The following PVT1 variants were observed in gnomAD, a reference collection of about 807,000 sequenced individuals.
The protein encoded by PVT1 is Pvt1 oncogene, also known as CXCR4/PVT1 fusion.
intron 2 of PVT1, among the ~76,000 whole-genome samples, chr8:127,811,429 A>T (rs1563611468): frequency 6.6e-6 from 1 of 152,082 alleles, no homozygotes; most frequent in East Asian, 1.9e-4. Context: ...CAGGCATTTC[A>T]TGTCTTTCCT....
intron 2 of PVT1, among the ~76,000 whole-genome samples, chr8:127,858,831 T>TTTTTTTTTTC (rs1815189917): frequency 6.9e-6 from 1 of 145,238 alleles, no homozygotes; most frequent in Non-Finnish European, 1.5e-5. Context: ...TTTTTTTTTT[T>TTTTTTTTTTC]TTGAGACAGG....
At chr8:127,974,451 C>T (rs888884049) in intron 3 of PVT1, among the ~76,000 whole-genome samples, 1 of 152,144 alleles carries the variant, frequency 6.6e-6, no homozygotes, top group Non-Finnish European at 1.5e-5. Context: ...GAGTCTCACT[C>T]TCACCCAGGC....
At chr8:127,902,278 T>C (rs1480146851) in intron 3 of PVT1, among the ~76,000 whole-genome samples, 1 of 152,202 alleles carries the variant, frequency 6.6e-6, no homozygotes, top group Non-Finnish European at 1.5e-5. Flanking sequence ...AATTGAATGA[T>C]ACCACTGAGC....
intron 4 of PVT1, among the ~76,000 whole-genome samples, chr8:128,035,889 A>C (rs917056659): frequency 6.6e-6 from 1 of 152,210 alleles, no homozygotes; most frequent in African/African-American, 2.4e-5. Context: ...TTTCCTTTGG[A>C]GCTCCAGAAG....
At chr8:128,075,450 T>TAA (rs368920788) in intron 5 of PVT1, among the ~76,000 whole-genome samples, 25 of 144,086 alleles carry the variant, frequency 1.7e-4, no homozygotes, top group Non-Finnish European at 3.4e-4. Flanking sequence ...CTCCTTTTTT[T>TAA]AAAAAAAAAT....
At chr8:127,850,500 A>G (rs1815096193) in intron 2 of PVT1, among the ~76,000 whole-genome samples, 1 of 150,318 alleles carries the variant, frequency 6.7e-6, no homozygotes, top group Admixed American at 6.6e-5. Flanking sequence ...TAGATTTCAT[A>G]CCACAGAGCA....
At chr8:127,998,809 C>G (rs1817138808) in intron 4 of PVT1, among the ~76,000 whole-genome samples, 1 of 119,608 alleles carries the variant, frequency 8.4e-6, no homozygotes, top group South Asian at 3.0e-4. Flanking sequence ...CCTTCCTCTT[C>G]TCCTCCTCCC....
At chr8:127,836,858 C>A (rs191970063) in intron 2 of PVT1, among the ~76,000 whole-genome samples, 1 of 152,218 alleles carries the variant, frequency 6.6e-6, no homozygotes, top group Admixed American at 6.5e-5. Flanking sequence ...TGCACTGCAC[C>A]GAGAGGGGCT....
At chr8:128,010,732 A>G (rs1308748327) in intron 4 of PVT1, 2 of 152,236 alleles carry the variant, frequency 1.3e-5, no homozygotes, top group Admixed American at 6.5e-5. Context: ...ATCATTGAGC[A>G]TCTACTCTGG....
intron 2 of PVT1, among the ~76,000 whole-genome samples, chr8:127,829,695 T>A (rs574993670): frequency 2.0e-5 from 3 of 152,334 alleles, no homozygotes; most frequent in Admixed American, 6.5e-5. Context: ...TAAAGTGAGA[T>A]CCACAATTTT....
chr8:128,062,117 C>A (rs1021291433), intron 4 of PVT1, among the ~76,000 whole-genome samples: 1 of 152,196 alleles, frequency 6.6e-6, no homozygotes, highest in Non-Finnish European at 1.5e-5. Flanking sequence ...GAAAAGGAGG[C>A]TATTTTTCAC....
At chr8:127,863,323 GC>G (rs1815250575) in intron 2 of PVT1, among the ~76,000 whole-genome samples, 1 of 152,046 alleles carries the variant, frequency 6.6e-6, no homozygotes, top group East Asian at 1.9e-4. Flanking sequence ...TGTTGGCCAG[GC>G]TGGTCTCGAA....
At chr8:127,870,803 A>G (rs903355148) in intron 2 of PVT1, among the ~76,000 whole-genome samples, 6 of 152,222 alleles carry the variant, frequency 3.9e-5, no homozygotes. Context: ...GGGTCAAGGC[A>G]ATGATTAAAT....
intron 3 of PVT1, among the ~76,000 whole-genome samples, chr8:127,926,188 T>C (rs1158219789): frequency 6.6e-6 from 1 of 152,104 alleles, no homozygotes; most frequent in Non-Finnish European, 1.5e-5. Flanking sequence ...CCAGCACCCA[T>C]TTGAGAGGCT....
chr8:127,852,294 C>T (rs766736516), intron 2 of PVT1: 2 of 152,374 alleles, frequency 1.3e-5, no homozygotes, highest in East Asian at 3.9e-4. Flanking sequence ...CCTGTGGGAG[C>T]CTGTTGGAGA....
At chr8:128,068,196 G>A (rs1563679575) in intron 4 of PVT1, among the ~76,000 whole-genome samples, 1 of 151,470 alleles carries the variant, frequency 6.6e-6, no homozygotes, top group Admixed American at 6.6e-5. Context: ...ATTTTCATTT[G>A]TTGTTCCTGT....
At chr8:128,000,498 C>T (rs1333415845) in intron 4 of PVT1, among the ~76,000 whole-genome samples, 2 of 152,180 alleles carry the variant, frequency 1.3e-5, no homozygotes, top group East Asian at 1.9e-4. Flanking sequence ...GACTATGGTC[C>T]TTGTGTAGGC....
At chr8:128,072,789 C>T (rs1173736184) in intron 5 of PVT1, among the ~76,000 whole-genome samples, 5 of 152,048 alleles carry the variant, frequency 3.3e-5, no homozygotes, top group Non-Finnish European at 7.4e-5. Context: ...TCCCTTACCA[C>T]ATTTGTCCAC....
chr8:127,840,949 G>T (rs1291972282), intron 2 of PVT1, among the ~76,000 whole-genome samples: 1 of 152,238 alleles, frequency 6.6e-6, no homozygotes, highest in African/African-American at 2.4e-5. Context: ...GTTCTGTCAG[G>T]TTCTGCTGCT....
Sources: gnomAD v4.1 joint callset for allele counts (sites outside exome capture counted in the v4.1 genomes callset) on GRCh38, gnomAD v4.1.1 for gene constraint, MANE v1.5 for transcripts, NCBI Gene and HGNC (gene_info 2026-07-23, HGNC 2026-07-21) for gene names.